Variants in RBM26 observed in about 807,000 individuals in gnomAD.
The protein encoded by RBM26 is RNA-binding protein 26.
Under a neutral mutation model 123.6 loss-of-function variants are expected in RBM26, and 30 were observed. The ratio of observed to expected loss-of-function variants is 0.24; its 90% CI spans 0.18 to 0.33. The LOEUF is 0.33. Among genes scored for constraint, RBM26 ranks in the 10% least tolerant of loss-of-function variants. The pLI, the probability that RBM26 is intolerant of heterozygous loss-of-function variation, is 1.00. For missense variants in RBM26, 947 were observed against 1,203.6 expected (o/e 0.79, Z 3.15); for synonymous variants, 400 against 404.4 (o/e 0.99, Z 0.13).
intron 20 of RBM26, among the ~76,000 whole-genome samples, chr13:79,326,610 T>C (rs538186917): frequency 2.0e-5 from 3 of 152,270 alleles, no homozygotes; most frequent in African/African-American, 7.2e-5. Context: ...AAACAAATCA[T>C]TTCTACAAAA....
At chr13:79,398,644 G>A (rs1432198197) in intron 1 of RBM26, among the ~76,000 whole-genome samples, 3 of 152,030 alleles carry the variant, frequency 2.0e-5, no homozygotes, top group African/African-American at 7.2e-5. Context: ...CTTGCACATA[G>A]CAACATTCAA....
At chr13:79,360,404 T>C (rs1264813671) in intron 9 of RBM26, among the ~76,000 whole-genome samples, 1 of 152,084 alleles carries the variant, frequency 6.6e-6, no homozygotes, top group Non-Finnish European at 1.5e-5. Context: ...AATTCTCACA[T>C]GCCAAATTAA....
intron 1 of RBM26, among the ~76,000 whole-genome samples, chr13:79,385,740 C>A (rs1416225868): frequency 6.6e-6 from 1 of 152,018 alleles, no homozygotes; most frequent in Non-Finnish European, 1.5e-5. Flanking sequence ...TTTGAGTAAT[C>A]AGAAGAAGAA....
At chr13:79,377,126 G>C (rs2076723621) in intron 3 of RBM26, 6 of 351,012 alleles carry the variant, frequency 1.7e-5, no homozygotes, top group Middle Eastern at 8.4e-4. Context: ...TTGTAAGCTT[G>C]TGCTTGTTTT....
At chr13:79,341,825 T>C (rs1040618772) in intron 17 of RBM26, among the ~76,000 whole-genome samples, 1 of 151,846 alleles carries the variant, frequency 6.6e-6, no homozygotes. Context: ...CAAAACTGAA[T>C]ACAAATGCAA....
rs1352637013 is a variant in RBM26 at position 79,359,603 on chromosome 13, C to G, written c.1501G>C (p.Val501Leu). Reference sequence around the variant, plus strand: ...TCAAACCAAGTCTTCTTTGTAGGAACTCCAGGCTCTCCAGAACCAATGGTT... The same window carrying G: ...TCAAACCAAGTCTTCTTTGTAGGAAGTCCAGGCTCTCCAGAACCAATGGTT... The part of the protein sequence containing the change: ...KRTIGSGEPG[V>L]PTKKTWFDKP... Residue 501 changes from valine (V) to leucine (L), a missense_variant, in exon 10 of 22, where the codon GTT (valine) becomes CTT (leucine). By Grantham distance (32) the Val-to-Leu change is conservative. Transcript: ENST00000438737. 3 of 1,595,274 alleles carry G rather than the reference C, an allele frequency of 1.9e-6. No individual in the cohort carries two copies. Among genetic ancestry groups the G allele is most frequent in the Admixed American group, 3.5e-5 (2 of 57,462 alleles).
chr13:79,384,297 GTTA>G (rs2077304515), intron 1 of RBM26, among the ~76,000 whole-genome samples: 1 of 140,406 alleles, frequency 7.1e-6, no homozygotes, highest in African/African-American at 2.7e-5. Context: ...AAGTCTTGCT[GTTA>G]CCCAGGCTGG....
intron 1 of RBM26, among the ~76,000 whole-genome samples, chr13:79,384,827 T>C (rs866197987): frequency 2.6e-5 from 4 of 152,204 alleles, no homozygotes. Flanking sequence ...ACACCCATAG[T>C]GTGTTTTAGT....
At chr13:79,375,063 T>TATATGATATATAAA (rs1566517152) in intron 3 of RBM26, among the ~76,000 whole-genome samples, 2 of 57,634 alleles carry the variant, frequency 3.5e-5, no homozygotes, top group African/African-American at 8.9e-5. Context: ...ATTTATATTT[T>TATATGATATATAAA]TATATATTTA....
intron 1 of RBM26, among the ~76,000 whole-genome samples, chr13:79,402,920 T>C (rs547252806): frequency 1.3e-5 from 2 of 152,270 alleles, no homozygotes; most frequent in Non-Finnish European, 2.9e-5. Flanking sequence ...TTAAAATAAA[T>C]GTTTGCTGAA....
chr13:79,392,490 T>C (rs1053458487), intron 1 of RBM26, among the ~76,000 whole-genome samples: 2 of 146,628 alleles, frequency 1.4e-5, no homozygotes, highest in African/African-American at 4.9e-5. Context: ...ACATCATAAA[T>C]CACATATATT....
chr13:79,371,284 CTG>C (rs2075848423), intron 4 of RBM26, 122 bp from the exon 5 acceptor site: 3 of 741,528 alleles, frequency 4.0e-6, no homozygotes, highest in South Asian at 3.7e-5. Flanking sequence ...CATCAGACAA[CTG>C]AAAAAACTGA....
chr13:79,344,372 A>G lies in RBM26; in HGVS notation c.2185-50T>C, dbSNP rs759041750. On this transcript the variant is annotated intron_variant, in intron 15 of 21. Transcript: ENST00000438737. ...ATTAGAATATTACTAAGGATAAACA[A>G]TATTATTCAAGAGAAGAGAAATAGT... 1.3e-5 allele frequency: 17 copies of G among 1,327,442 alleles called. 1 individual carries two copies. The East Asian group carries it at 2.1e-4, about 16-fold the overall frequency. The allele number at this position is 1,327,442 out of a possible 1,614,324, so 82.2% of individuals were successfully genotyped here.
chr13:79,380,160 T>C (rs1160307878), intron 1 of RBM26, among the ~76,000 whole-genome samples: 1 of 152,194 alleles, frequency 6.6e-6, no homozygotes, highest in African/African-American at 2.4e-5. Context: ...TTATTCATTG[T>C]CATATTGATT....
At chr13:79,367,088 T>C (rs771127806) in intron 6 of RBM26, among the ~76,000 whole-genome samples, 7 of 152,096 alleles carry the variant, frequency 4.6e-5, no homozygotes, top group Non-Finnish European at 1.0e-4. Context: ...TTAGGATGTT[T>C]ATCCTCTCCA....
chr13:79,322,870 G>A (rs189019430), intron 20 of RBM26, among the ~76,000 whole-genome samples: 13 of 151,322 alleles, frequency 8.6e-5, no homozygotes, highest in Middle Eastern at 3.4e-3. Flanking sequence ...TCTAAATTAG[G>A]ATCAATATGC....
intron 1 of RBM26, among the ~76,000 whole-genome samples, chr13:79,380,044 G>C (rs1308505285): frequency 6.6e-6 from 1 of 152,066 alleles, no homozygotes; most frequent in Admixed American, 6.5e-5. Flanking sequence ...TGAGTAAACT[G>C]GTAGCTGATA....
intron 18 of RBM26, among the ~76,000 whole-genome samples, chr13:79,339,312 T>G (rs377684633): frequency 6.6e-6 from 1 of 152,090 alleles, no homozygotes; most frequent in Non-Finnish European, 1.5e-5. Flanking sequence ...TTCAGTCAGA[T>G]AGGAAGAGTA....
intron 20 of RBM26, among the ~76,000 whole-genome samples, chr13:79,330,935 CAT>C (rs2069198215): frequency 6.6e-6 from 1 of 152,144 alleles, no homozygotes; most frequent in African/African-American, 2.4e-5. Flanking sequence ...AACACACACA[CAT>C]ACACACACAC....
Sources: gnomAD v4.1 joint callset for allele counts (sites outside exome capture counted in the v4.1 genomes callset) on GRCh38, gnomAD v4.1.1 for gene constraint, MANE v1.5 for transcripts, NCBI Gene and HGNC (gene_info 2026-07-23, HGNC 2026-07-21) for gene names.